PRDM6: variants seen among roughly 807,000 people sequenced by gnomAD.
PRDM6 encodes the protein PR/SET domain 6.
A neutral mutation model predicts 60.8 loss-of-function variants in PRDM6; 25 were observed. The ratio of observed to expected loss-of-function variants is 0.41; its 90% CI spans 0.30 to 0.57. The LOEUF (loss-of-function observed/expected upper bound fraction) is 0.57, where lower values mean the gene tolerates loss of function less well. Among genes scored for constraint, PRDM6 ranks in the 20% least tolerant of loss-of-function variants. PRDM6 has a pLI of 0.27. For missense variants in PRDM6, 839 were observed against 821.3 expected (o/e 1.02, Z -0.26); for synonymous variants, 407 against 357.4 (o/e 1.14, Z -1.57).
At position 123,139,142 on chromosome 5, in the gene PRDM6, C is replaced by T. The variant is rs537052115; in HGVS notation, c.901-16742C>T. Among the ~76,000 whole-genome samples, 9 of 152,262 alleles carry T rather than the reference C, an allele frequency of 5.9e-5. No individual in the cohort carries two copies. The South Asian group carries it at 1.5e-3, about 25-fold the overall frequency. ...GTTTCCTGAGGCTTCTCCTACCATG[C>T]GGAACTGTGAGTCAATCAAACCTCT... is the stretch of plus-strand genomic sequence containing the variant. On this transcript the variant is annotated intron_variant, in intron 3 of 7. Transcript: ENST00000407847.
intron 5 of PRDM6, among the ~76,000 whole-genome samples, chr5:123,163,203 G>A (rs932736601): frequency 6.6e-6 from 1 of 152,128 alleles, no homozygotes; most frequent in African/African-American, 2.4e-5. Context: ...TATTAGAAGG[G>A]ATTAAATATT....
rs1766370014 is a variant in PRDM6 at position 123,189,739 on chromosome 5, TC to T, written c.*2539del. The T allele has an allele frequency of 6.6e-6, 1 of 152,232 alleles. No homozygotes were observed. The highest frequency in any genetic ancestry group is 2.4e-5 in the African/African-American group (1 of 41,456). 9.4% of individuals were successfully genotyped at this position (152,232 alleles called of 1,614,324 possible). A position where few individuals can be genotyped will look rare whatever the true frequency, so the allele number is the denominator to read the frequency against. ...TAATTTTCCAGGCATGTGGGCACAT[TC>T]ACAATTTTTACATTGCTGTCCTATT... is the stretch of plus-strand genomic sequence containing the variant. On this transcript the variant is annotated 3_prime_UTR_variant, in exon 8 of 8. Transcript: ENST00000407847.
At chr5:123,125,084 G>A (rs1290389691) in intron 3 of PRDM6, among the ~76,000 whole-genome samples, 1 of 131,238 alleles carries the variant, frequency 7.6e-6, no homozygotes, top group African/African-American at 2.9e-5. Context: ...TTTGAATCTT[G>A]TGTTGCGTTT....
At chr5:123,160,518 G>A (rs1765603774) in intron 5 of PRDM6, among the ~76,000 whole-genome samples, 1 of 152,118 alleles carries the variant, frequency 6.6e-6, no homozygotes. Context: ...TTTGATAATG[G>A]ATAAGAAACT....
At chr5:123,126,923 G>T (rs545174712) in intron 3 of PRDM6, among the ~76,000 whole-genome samples, 14 of 152,136 alleles carry the variant, frequency 9.2e-5, no homozygotes, top group Admixed American at 2.0e-4. Flanking sequence ...TTTGGGGTGA[G>T]GACTGTTCAA....
At chr5:123,122,929 A>C (rs1440244367) in intron 3 of PRDM6, among the ~76,000 whole-genome samples, 1 of 152,130 alleles carries the variant, frequency 6.6e-6, no homozygotes, top group African/African-American at 2.4e-5. Context: ...GATATGGCCT[A>C]ATTTTGGATA....
At chr5:123,160,027 T>C (rs1016018642) in intron 5 of PRDM6, among the ~76,000 whole-genome samples, 1 of 152,256 alleles carries the variant, frequency 6.6e-6, no homozygotes, top group Non-Finnish European at 1.5e-5. Context: ...GGAGCCACAC[T>C]GTATGCAAAA....
chr5:123,094,312 G>A (rs1197572969), intron 2 of PRDM6, among the ~76,000 whole-genome samples: 2 of 152,134 alleles, frequency 1.3e-5, no homozygotes, highest in Admixed American at 6.5e-5. Context: ...TGCAACCGAG[G>A]AACATCCACT....
intron 3 of PRDM6, among the ~76,000 whole-genome samples, chr5:123,141,953 T>A (rs550616954): frequency 1.3e-5 from 2 of 152,248 alleles, no homozygotes; most frequent in African/African-American, 4.8e-5. Flanking sequence ...TCCTTTTCAT[T>A]TAAATCTAAA....
intron 2 of PRDM6, among the ~76,000 whole-genome samples, chr5:123,098,423 C>T (rs561428801): frequency 3.9e-5 from 6 of 152,354 alleles, no homozygotes; most frequent in African/African-American, 1.4e-4. Context: ...GGCAGGCCAT[C>T]CGCGCTGAGG....
intron 3 of PRDM6, among the ~76,000 whole-genome samples, chr5:123,140,226 A>G (rs1580511330): frequency 6.7e-6 from 1 of 149,798 alleles, no homozygotes; most frequent in African/African-American, 2.5e-5. Flanking sequence ...GCTTTCCTGT[A>G]TTTTCTTTCA....
chr5:123,126,942 G>T (rs1365556234), intron 3 of PRDM6, among the ~76,000 whole-genome samples: 1 of 152,048 alleles, frequency 6.6e-6, no homozygotes, highest in Non-Finnish European at 1.5e-5. Context: ...AATGAATGTT[G>T]ATTGTTGTTG....
At chr5:123,168,197 A>C (rs1000182432) in intron 5 of PRDM6, among the ~76,000 whole-genome samples, 8 of 152,230 alleles carry the variant, frequency 5.3e-5, no homozygotes, top group Non-Finnish European at 7.3e-5. Flanking sequence ...AAATATACAT[A>C]AATATTTGTA....
chr5:123,090,295 C>CCTCCGCCTT lies in PRDM6; in HGVS notation c.285_286insGCCTTCTCC (p.Ser95_Cys96insAlaPheSer), dbSNP rs751156065. On this transcript the variant is annotated inframe_insertion, in exon 2 of 8. Coordinates refer to ENST00000407847, the MANE Select transcript of PRDM6 (RefSeq NM_001136239.4). ...TCTTCCACCTCCGCCTCCTCCGCCT[C>CCTCCGCCTT]CTCCTGCGCTGCTGCGGCCGCTGCC... 272 of 1,488,462 alleles carry CCTCCGCCTT rather than the reference C, an allele frequency of 1.8e-4. No individual in the cohort carries two copies. The highest frequency in any genetic ancestry group is 2.3e-4 in the Non-Finnish European group (253 of 1,121,010). The allele number at this position is 1,488,462 out of a possible 1,614,324, so 92.2% of individuals were successfully genotyped here.
intron 6 of PRDM6, among the ~76,000 whole-genome samples, chr5:123,174,213 A>G (rs903447801): frequency 3.3e-5 from 5 of 152,186 alleles, no homozygotes; most frequent in Admixed American, 6.5e-5. Context: ...TGTTCATAAC[A>G]TTTTGGATTT....
chr5:123,158,480 G>A (rs1192969352), intron 4 of PRDM6, among the ~76,000 whole-genome samples: 1 of 152,174 alleles, frequency 6.6e-6, no homozygotes, highest in Admixed American at 6.5e-5. Context: ...CAGAATGGCA[G>A]CAAGTAAGGA....
intron 5 of PRDM6, among the ~76,000 whole-genome samples, chr5:123,161,078 C>A (rs1000855774): frequency 6.6e-6 from 1 of 152,228 alleles, no homozygotes; most frequent in Non-Finnish European, 1.5e-5. Context: ...CTTGATGTAA[C>A]CATCTAGAGT....
intron 3 of PRDM6, among the ~76,000 whole-genome samples, chr5:123,104,818 C>T (rs1379719103): frequency 1.3e-5 from 2 of 152,080 alleles, no homozygotes; most frequent in Admixed American, 1.3e-4. Context: ...AACTGTAAAA[C>T]CATCTGCCAC....
chr5:123,175,717 A>G (rs1381227620), intron 6 of PRDM6, among the ~76,000 whole-genome samples: 1 of 152,194 alleles, frequency 6.6e-6, no homozygotes, highest in African/African-American at 2.4e-5. Context: ...TGTGGCCCCA[A>G]CTGAACAAGT....
Sources: allele counts gnomAD v4.1 joint callset (sites outside exome capture counted in the v4.1 genomes callset), GRCh38; gene constraint gnomAD v4.1.1; transcripts MANE v1.5; gene names NCBI Gene and HGNC (gene_info 2026-07-23, HGNC 2026-07-21).